MAPK10: variants seen among roughly 807,000 people sequenced by gnomAD.
The protein encoded by MAPK10 is JNK3 alpha protein kinase.
MAPK10 carries 25 observed loss-of-function variants against 59.3 expected under a neutral mutation model. The ratio of observed to expected loss-of-function variants is 0.42; its 90% confidence interval spans 0.31 to 0.59. MAPK10 has a LOEUF of 0.59. Ranked by LOEUF, MAPK10 falls within the 20% of genes least tolerant of loss-of-function variation. MAPK10 has a pLI of 0.15. For missense variants in MAPK10, 351 were observed against 568.9 expected (o/e 0.62, Z 3.90); for synonymous variants, 190 against 200.5 (o/e 0.95, Z 0.44).
chr4:86,169,863 C>A (rs903357653), intron 3 of MAPK10, among the ~76,000 whole-genome samples: 2 of 152,124 alleles, frequency 1.3e-5, no homozygotes, highest in African/African-American at 4.8e-5. Flanking sequence ...AACAGCGGAT[C>A]TCTCGGCAGA....
intron 1 of MAPK10, among the ~76,000 whole-genome samples, chr4:86,497,040 T>C (rs1754920403): frequency 6.6e-6 from 1 of 152,244 alleles, no homozygotes; most frequent in Non-Finnish European, 1.5e-5. Flanking sequence ...TGCTATTTCA[T>C]TCTATCCTCA....
rs1453472847 is a variant in MAPK10, at chr4:86,012,892, A to C, written c.*4336T>G. 6.6e-6 allele frequency: 1 copy of C among 152,230 alleles called. No individual in the cohort carries two copies. Among genetic ancestry groups the C allele is most frequent in the Non-Finnish European group, 1.5e-5 (1 of 68,044 alleles). The allele number at this position is 152,230 out of a possible 1,614,324, so 9.4% of individuals were successfully genotyped here. A position where few individuals can be genotyped will look rare whatever the true frequency, so the allele number is the denominator to read the frequency against. On this transcript the variant is annotated 3_prime_UTR_variant, in exon 14 of 14. Coordinates refer to ENST00000641462, the MANE Select transcript of MAPK10 (RefSeq NM_138982.4). ...TTAAGTCCATTTTATAAACACTGAC[A>C]CAAGACAATTCTCATCATTGGTAAT...
intron 4 of MAPK10, among the ~76,000 whole-genome samples, chr4:86,131,074 G>A (rs545736077): frequency 6.6e-6 from 1 of 152,284 alleles, no homozygotes; most frequent in South Asian, 2.1e-4. Flanking sequence ...AGGGAAATGA[G>A]TACATGAGGG....
chr4:86,021,437 C>A (rs1746794269), intron 13 of MAPK10, among the ~76,000 whole-genome samples: 1 of 152,182 alleles, frequency 6.6e-6, no homozygotes, highest in South Asian at 2.1e-4. Flanking sequence ...GGTGCACTCA[C>A]AAACCTTGAG....
chr4:86,484,794 A>G (rs920643401), intron 1 of MAPK10, among the ~76,000 whole-genome samples: 2 of 152,220 alleles, frequency 1.3e-5, no homozygotes, highest in African/African-American at 4.8e-5. Context: ...AGAAAGACAT[A>G]TAACTAAGTG....
intron 1 of MAPK10, among the ~76,000 whole-genome samples, chr4:86,583,504 T>A (rs1762447360): frequency 1.3e-5 from 2 of 152,136 alleles, no homozygotes; most frequent in South Asian, 2.1e-4. Context: ...TTTTTCTACA[T>A]TAAAAAAACG....
chr4:86,565,820 G>A (rs940708690), intron 1 of MAPK10, among the ~76,000 whole-genome samples: 4 of 151,878 alleles, frequency 2.6e-5, no homozygotes, highest in African/African-American at 7.3e-5. Flanking sequence ...TCCTCATCAC[G>A]TTCCTTCCTA....
chr4:86,262,608 T>C (rs1563743009), intron 2 of MAPK10, among the ~76,000 whole-genome samples: 1 of 152,330 alleles, frequency 6.6e-6, no homozygotes, highest in Middle Eastern at 3.4e-3. Context: ...GCTTGACATA[T>C]AGTAGAACTG....
chr4:86,207,386 G>A (rs2084378954), intron 2 of MAPK10, among the ~76,000 whole-genome samples: 1 of 152,004 alleles, frequency 6.6e-6, no homozygotes, highest in Non-Finnish European at 1.5e-5. Flanking sequence ...TGAGGGCTCT[G>A]TTCTGTTCCG....
At chr4:86,533,675 G>A (rs1469334229) in intron 1 of MAPK10, among the ~76,000 whole-genome samples, 2 of 152,160 alleles carry the variant, frequency 1.3e-5, no homozygotes, top group African/African-American at 4.8e-5. Context: ...CCAAGTATCT[G>A]GGACCACAGG....
At chr4:86,139,378 G>T (rs1282606422) in intron 4 of MAPK10, among the ~76,000 whole-genome samples, 1 of 150,576 alleles carries the variant, frequency 6.6e-6, no homozygotes, top group Non-Finnish European at 1.5e-5. Context: ...AAATAACGCC[G>T]CATATCTACA....
At chr4:86,324,257 C>A (rs1006833731) in intron 2 of MAPK10, among the ~76,000 whole-genome samples, 1 of 151,782 alleles carries the variant, frequency 6.6e-6, no homozygotes, top group South Asian at 2.1e-4. Flanking sequence ...AATGAAAATA[C>A]AAAATTAGCC....
At chr4:86,174,653 C>T (rs2075263106) in intron 3 of MAPK10, among the ~76,000 whole-genome samples, 1 of 152,148 alleles carries the variant, frequency 6.6e-6, no homozygotes, top group Non-Finnish European at 1.5e-5. Flanking sequence ...CAACACTTCT[C>T]TTTCCACAGT....
At chr4:86,044,850 G>T in intron 11 of MAPK10, 1 of 396,754 alleles carries the variant, frequency 2.5e-6, no homozygotes, top group Non-Finnish European at 4.4e-6. Flanking sequence ...TGCAATGAAA[G>T]ATTTTCATCT....
chr4:86,554,558 T>C (rs1362691023), intron 1 of MAPK10, among the ~76,000 whole-genome samples: 1 of 152,188 alleles, frequency 6.6e-6, no homozygotes, highest in Admixed American at 6.5e-5. Flanking sequence ...TCAATTTTAT[T>C]TCAGAAATAT....
intron 4 of MAPK10, among the ~76,000 whole-genome samples, chr4:86,149,661 C>T (rs570642456): frequency 2.5e-4 from 38 of 152,346 alleles, no homozygotes; most frequent in South Asian, 1.4e-3. Context: ...ATAAGCCAGG[C>T]CAGCTACAAT....
intron 9 of MAPK10, chr4:86,090,492 T>G (rs1196563767): frequency 6.6e-6 from 1 of 151,992 alleles, no homozygotes; most frequent in Non-Finnish European, 1.5e-5. Flanking sequence ...AAGAAGCAAA[T>G]TTGTTTTGCT....
At position 86,355,637 on chromosome 4, in the gene MAPK10, A is replaced by T. The variant is rs115979989; in HGVS notation, c.-121-993T>A. Among the ~76,000 whole-genome samples the T allele has an allele frequency of 1.0e-2, 1,519 of 152,282 alleles. 13 individuals carry two copies. Among genetic ancestry groups the T allele is most frequent in the African/African-American group, 0.026 (1,098 of 41,556 alleles). On this transcript the variant is annotated intron_variant, in intron 1 of 13. Coordinates refer to ENST00000641462, the MANE Select transcript of MAPK10 (RefSeq NM_138982.4). ...GCAGAGAACTCAGTACATGAGAGAT[A>T]TTCATTCAATGAATATTTGGTGTGT...
chr4:86,282,858 T>G (rs1030002931), intron 2 of MAPK10, among the ~76,000 whole-genome samples: 4 of 152,294 alleles, frequency 2.6e-5, no homozygotes, highest in East Asian at 1.9e-4. Flanking sequence ...TCTAGGCACA[T>G]GCTCCGTGAT....
Sources: allele counts gnomAD v4.1 joint callset (sites outside exome capture counted in the v4.1 genomes callset), GRCh38; gene constraint gnomAD v4.1.1; transcripts MANE v1.5; gene names NCBI Gene and HGNC (gene_info 2026-07-23, HGNC 2026-07-21).